Variants in TMCO5A observed in about 807,000 individuals in gnomAD.
TMCO5A encodes transmembrane and coiled-coil domain-containing protein 5A.
TMCO5A carries 34 observed loss-of-function variants against 42.3 expected under a neutral mutation model. The observed-to-expected ratio is 0.80, with a 90% CI of 0.61 to 1.07. TMCO5A has a LOEUF of 1.07. TMCO5A is among the 50% of genes least tolerant of loss of function. The pLI is 0.00. For missense variants in TMCO5A, 357 were observed against 327.9 expected (o/e 1.09, Z -0.69); for synonymous variants, 131 against 115.6 (o/e 1.13, Z -0.86).
chr15:37,941,370 G>A (rs1369149855), intron 7 of TMCO5A, among the ~76,000 whole-genome samples, 165 bp downstream of exon 7: 4 of 152,030 alleles, frequency 2.6e-5, no homozygotes, highest in Non-Finnish European at 4.4e-5. Context: ...AATCCCTGAG[G>A]TTGCTTTCTC....
the TMCO5A span, among the ~76,000 whole-genome samples, chr15:37,978,905 C>A: frequency 6.6e-6 from 1 of 151,942 alleles, no homozygotes; most frequent in African/African-American, 2.4e-5. Flanking sequence ...CAGGAGCAGG[C>A]ATCTTAATGG....
chr15:37,990,252 C>G, the TMCO5A span, among the ~76,000 whole-genome samples: 1 of 152,058 alleles, frequency 6.6e-6, no homozygotes, highest in East Asian at 1.9e-4. Flanking sequence ...TATTGTAAAT[C>G]TACTTCTCCC....
the TMCO5A span, among the ~76,000 whole-genome samples, chr15:38,008,729 G>T: frequency 2.0e-5 from 3 of 152,254 alleles, no homozygotes; most frequent in Admixed American, 2.0e-4. Flanking sequence ...CTCCAAATGA[G>T]GTTGCCATCT....
At chr15:38,004,046 C>T in the TMCO5A span, among the ~76,000 whole-genome samples, 1 of 151,484 alleles carries the variant, frequency 6.6e-6, no homozygotes, top group Non-Finnish European at 1.5e-5. Context: ...TGAGTCTCAC[C>T]CAAGGCCCAA....
the TMCO5A span, among the ~76,000 whole-genome samples, chr15:38,028,150 G>A: frequency 6.6e-6 from 1 of 150,776 alleles, no homozygotes; most frequent in Non-Finnish European, 1.5e-5. Context: ...TCCTAGCTCA[G>A]CTGCTTATTA....
At chr15:38,038,518 G>A in the TMCO5A span, among the ~76,000 whole-genome samples, 1 of 150,960 alleles carries the variant, frequency 6.6e-6, no homozygotes, top group South Asian at 2.1e-4. Flanking sequence ...CCATTCTCCT[G>A]CCTCAGCCTC....
chr15:38,000,188 G>T, the TMCO5A span, among the ~76,000 whole-genome samples: 2 of 152,126 alleles, frequency 1.3e-5, no homozygotes, highest in African/African-American at 4.8e-5. Flanking sequence ...TTATGGCTTC[G>T]ATCTTGTAAC....
At position 37,960,072 on chromosome 15, in the gene TMCO5A, T is replaced by C. The variant is rs540378717; in HGVS notation, c.669-6553T>C. On this transcript the variant is annotated intron_variant, in intron 11 of 11. Coordinates refer to the TMCO5A transcript ENST00000559502. The stretch of plus-strand genomic sequence containing the variant: ...TATTTGGTCACATGAGTAAGTTCTT[T>C]AGTGGTGATTTGTGAGATTCTGGTG... Among the ~76,000 whole-genome samples, 19 of 152,126 alleles carry C rather than the reference T, an allele frequency of 1.2e-4. No individual in the cohort carries two copies. The South Asian group carries it at 3.5e-3, about 28-fold the overall frequency.
At chr15:38,010,425 T>TCACACACACACACACACA in the TMCO5A span, among the ~76,000 whole-genome samples, 590 of 117,442 alleles carry the variant, frequency 5.0e-3, 7 homozygotes, top group African/African-American at 6.1e-3. Flanking sequence ...CAGAGGGAGA[T>TCACACACACACACACACA]CACACACACA....
At chr15:37,984,692 T>TTC in the TMCO5A span, 1 of 140,008 alleles carries the variant, frequency 7.1e-6, no homozygotes, top group Admixed American at 7.1e-5. Flanking sequence ...TTTTTTTTTT[T>TTC]TTTTTTTTTT....
At chr15:38,032,217 A>G in the TMCO5A span, among the ~76,000 whole-genome samples, 3 of 152,258 alleles carry the variant, frequency 2.0e-5, no homozygotes, top group East Asian at 5.8e-4. Context: ...GGCCTCCCAA[A>G]GTGCTGGGAT....
At chr15:38,022,000 T>G in the TMCO5A span, among the ~76,000 whole-genome samples, 1 of 152,002 alleles carries the variant, frequency 6.6e-6, no homozygotes, top group Admixed American at 6.6e-5. Context: ...TTAGTAGAGA[T>G]AGGGTTTCAC....
the TMCO5A span, among the ~76,000 whole-genome samples, chr15:38,019,994 A>T: frequency 2.0e-4 from 30 of 151,240 alleles, no homozygotes; most frequent in African/African-American, 5.1e-4. Context: ...AAATGTAATT[A>T]AAAAAATTTT....
At chr15:37,947,254 T>A (rs940799377) in intron 10 of TMCO5A, among the ~76,000 whole-genome samples, 3 of 152,150 alleles carry the variant, frequency 2.0e-5, no homozygotes, top group African/African-American at 2.4e-5. Flanking sequence ...ACTTATCTCT[T>A]AAGATATGTT....
chr15:38,038,657 C>T, the TMCO5A span, among the ~76,000 whole-genome samples: 68 of 152,222 alleles, frequency 4.5e-4, no homozygotes, highest in South Asian at 4.2e-3. Flanking sequence ...CTGCCCACCT[C>T]GGCCTCCCAA....
downstream of TMCO5A, among the ~76,000 whole-genome samples, chr15:37,956,322 C>T (rs146412634): frequency 4.2e-3 from 638 of 151,744 alleles, 42 homozygotes; most frequent in South Asian, 0.12. Flanking sequence ...TTTTTTGAAA[C>T]GATCAACAAA....
intron 11 of TMCO5A, among the ~76,000 whole-genome samples, chr15:37,962,643 ATTC>A (rs1479920198): frequency 1.3e-5 from 2 of 152,044 alleles, no homozygotes; most frequent in Admixed American, 6.6e-5. Context: ...GTCTTGTAGA[ATTC>A]TTCTGTGAAT....
the TMCO5A span, among the ~76,000 whole-genome samples, chr15:38,033,676 GA>G: frequency 6.6e-6 from 1 of 151,994 alleles, no homozygotes; most frequent in African/African-American, 2.4e-5. Context: ...ACCCAGGCTG[GA>G]GTGCAGTGGT....
chr15:38,008,048 A>G, the TMCO5A span, among the ~76,000 whole-genome samples: 2 of 151,498 alleles, frequency 1.3e-5, no homozygotes, highest in African/African-American at 4.9e-5. Flanking sequence ...GGCGCCTGCC[A>G]CCACGCCTGG....
Sources: allele counts gnomAD v4.1 joint callset (sites outside exome capture counted in the v4.1 genomes callset), GRCh38; gene constraint gnomAD v4.1.1; transcripts MANE v1.5; gene names NCBI Gene and HGNC (gene_info 2026-07-23, HGNC 2026-07-21).